Variants in ENTREP2 observed in about 807,000 individuals in gnomAD.
ENTREP2 encodes endosomal transmembrane epsin interactor 2.
chr15:29,430,217 C>G, the ENTREP2 span, among the ~76,000 whole-genome samples: 2 of 152,202 alleles, frequency 1.3e-5, no homozygotes, highest in East Asian at 3.9e-4. Flanking sequence ...GCTGGCTCCA[C>G]TCATCCTGCC....
At chr15:29,662,848 G>A in the ENTREP2 span, among the ~76,000 whole-genome samples, 2 of 152,106 alleles carry the variant, frequency 1.3e-5, no homozygotes, top group Admixed American at 1.3e-4. Flanking sequence ...CGCCTCCTGA[G>A]TAGCTGGGAT....
chr15:29,579,507 C>T, the ENTREP2 span, among the ~76,000 whole-genome samples: 1 of 144,338 alleles, frequency 6.9e-6, no homozygotes, highest in African/African-American at 2.5e-5. Flanking sequence ...AAATACTGGC[C>T]TTTGGTTTCT....
At chr15:29,360,050 G>A in the ENTREP2 span, among the ~76,000 whole-genome samples, 3 of 152,284 alleles carry the variant, frequency 2.0e-5, no homozygotes, top group Non-Finnish European at 2.9e-5. Flanking sequence ...GGTACGTAGA[G>A]AGAGTTCCTC....
chr15:29,571,907 A>T, the ENTREP2 span, among the ~76,000 whole-genome samples: 496 of 152,294 alleles, frequency 3.3e-3, 1 homozygote, highest in African/African-American at 0.011. Context: ...CAGACGTGAA[A>T]AGGCAAAGTT....
At chr15:29,150,629 G>C in the ENTREP2 span, among the ~76,000 whole-genome samples, 1 of 152,132 alleles carries the variant, frequency 6.6e-6, no homozygotes, top group Non-Finnish European at 1.5e-5. Context: ...TTTCAGAAAG[G>C]GCAGCCTGGC....
At chr15:29,650,865 A>C in the ENTREP2 span, among the ~76,000 whole-genome samples, 2,224 of 152,218 alleles carry the variant, frequency 0.015, 48 homozygotes, top group African/African-American at 0.051. Context: ...ATGAAGTACA[A>C]TACATTAGCC....
chr15:29,550,281 CA>C, the ENTREP2 span, among the ~76,000 whole-genome samples: 1 of 151,872 alleles, frequency 6.6e-6, no homozygotes, highest in African/African-American at 2.4e-5. Flanking sequence ...CAAAAAAAAA[CA>C]AACCTAAGGG....
the ENTREP2 span, among the ~76,000 whole-genome samples, chr15:29,343,901 T>G: frequency 1.1e-4 from 16 of 152,222 alleles, no homozygotes; most frequent in African/African-American, 3.9e-4. Context: ...TTATAGAAAT[T>G]TAAGATACAA....
the ENTREP2 span, among the ~76,000 whole-genome samples, chr15:29,320,094 T>C: frequency 6.6e-6 from 1 of 152,196 alleles, no homozygotes; most frequent in African/African-American, 2.4e-5. Flanking sequence ...GCAGCCTTCC[T>C]GTCTCACCTA....
chr15:29,192,454 A>C, the ENTREP2 span, among the ~76,000 whole-genome samples: 81 of 152,180 alleles, frequency 5.3e-4, 3 homozygotes, highest in East Asian at 1.9e-4. Flanking sequence ...AACAAGAAGA[A>C]GACATTGGGT....
At chr15:29,140,969 A>G in the ENTREP2 span, among the ~76,000 whole-genome samples, 21 of 152,188 alleles carry the variant, frequency 1.4e-4, no homozygotes, top group African/African-American at 4.3e-4. Context: ...CTGTCCCCGC[A>G]CAACAGGAGT....
the ENTREP2 span, among the ~76,000 whole-genome samples, chr15:29,224,396 G>C: frequency 6.6e-6 from 1 of 152,132 alleles, no homozygotes; most frequent in Non-Finnish European, 1.5e-5. Context: ...GAACTGCGCC[G>C]GGTTGCCACT....
chr15:29,269,374 A>G, the ENTREP2 span: 1 of 1,614,164 alleles, frequency 6.2e-7, no homozygotes, highest in Non-Finnish European at 8.5e-7. Context: ...GTGCTTCAGT[A>G]TGTCGGCCCG....
chr15:29,624,889 G>A, the ENTREP2 span, among the ~76,000 whole-genome samples: 1 of 151,640 alleles, frequency 6.6e-6, no homozygotes, highest in African/African-American at 2.4e-5. Flanking sequence ...GTGTGTGTGT[G>A]TGTGTGTGTG....
chr15:29,674,141 G>A, the ENTREP2 span, among the ~76,000 whole-genome samples: 2 of 142,328 alleles, frequency 1.4e-5, 1 homozygote, highest in South Asian at 4.5e-4. Flanking sequence ...GGGGGGGGGG[G>A]GGCTTTGCCA....
At chr15:29,234,231 G>GT in the ENTREP2 span, 1 of 1,611,632 alleles carries the variant, frequency 6.2e-7, no homozygotes, top group Non-Finnish European at 8.5e-7. Context: ...GGTGGTTGTC[G>GT]TAACTCTTCT....
the ENTREP2 span, among the ~76,000 whole-genome samples, chr15:29,326,303 GAT>G: frequency 6.6e-6 from 1 of 152,254 alleles, no homozygotes; most frequent in African/African-American, 2.4e-5. Context: ...GTTCATAAAT[GAT>G]ATGATTGTTC....
chr15:29,554,782 C>T, the ENTREP2 span, among the ~76,000 whole-genome samples: 5 of 152,046 alleles, frequency 3.3e-5, no homozygotes, highest in African/African-American at 4.8e-5. Context: ...GTTTTGCAAA[C>T]GGTTCAGCCT....
chr15:29,295,282 G>A, the ENTREP2 span, among the ~76,000 whole-genome samples: 923 of 152,340 alleles, frequency 6.1e-3, 14 homozygotes, highest in Middle Eastern at 0.02. Context: ...TGGAGTGGGA[G>A]AAGAGGAGTG....
Sources: allele counts gnomAD v4.1 joint callset (sites outside exome capture counted in the v4.1 genomes callset), GRCh38; gene constraint gnomAD v4.1.1; transcripts MANE v1.5; gene names NCBI Gene and HGNC (gene_info 2026-07-23, HGNC 2026-07-21).